LRP1B: variants seen among roughly 807,000 people sequenced by gnomAD.
LRP1B encodes low-density lipoprotein receptor-related protein 1B.
In LRP1B, 217 loss-of-function variants were observed where a neutral mutation model predicts 556.6. That is an observed-to-expected ratio of 0.39 (90% CI 0.35 to 0.44). LRP1B has a LOEUF of 0.44. Ranked by LOEUF, LRP1B falls within the 20% of genes least tolerant of loss-of-function variation. The pLI, the probability that LRP1B is intolerant of heterozygous loss-of-function variation, is 1.00. For missense variants in LRP1B, 5,053 were observed against 5,620.8 expected (o/e 0.90, Z 3.23); for synonymous variants, 2,047 against 1,865.8 (o/e 1.10, Z -2.50).
At chr2:140,990,060 A>G (rs1185772599) in intron 16 of LRP1B, among the ~76,000 whole-genome samples, 1 of 151,902 alleles carries the variant, frequency 6.6e-6, no homozygotes, top group Non-Finnish European at 1.5e-5. Flanking sequence ...ACAAAAAATT[A>G]GCCAGGCATG....
intron 2 of LRP1B, among the ~76,000 whole-genome samples, chr2:141,503,471 T>C (rs1244134263): frequency 6.6e-6 from 1 of 151,988 alleles, no homozygotes; most frequent in African/African-American, 2.4e-5. Flanking sequence ...AATTAAAATC[T>C]GTTACATTAT....
At chr2:141,304,731 C>T (rs1407069737) in intron 3 of LRP1B, among the ~76,000 whole-genome samples, 1 of 151,816 alleles carries the variant, frequency 6.6e-6, no homozygotes, top group African/African-American at 2.4e-5. Context: ...GAACTCCTGA[C>T]CTCAAGTGAT....
At chr2:140,322,206 A>G in intron 81 of LRP1B, 118 bp from the exon 82 acceptor site, 1 of 964,096 alleles carries the variant, frequency 1.0e-6, no homozygotes, top group East Asian at 2.6e-5. Flanking sequence ...ATCACATTAA[A>G]TTTCCACTGA....
At chr2:140,971,315 G>T (rs181900559) in intron 18 of LRP1B, among the ~76,000 whole-genome samples, 1 of 152,072 alleles carries the variant, frequency 6.6e-6, no homozygotes. Flanking sequence ...AAGAAACGCC[G>T]ATAGCCACCA....
chr2:141,346,404 A>G (rs970186194), intron 3 of LRP1B, among the ~76,000 whole-genome samples: 1 of 152,078 alleles, frequency 6.6e-6, no homozygotes, highest in South Asian at 2.1e-4. Flanking sequence ...GTCACTTTAG[A>G]TCCTCTCCTG....
At chr2:140,722,770 G>A (rs936303745) in intron 35 of LRP1B, among the ~76,000 whole-genome samples, 4 of 152,168 alleles carry the variant, frequency 2.6e-5, no homozygotes, top group Non-Finnish European at 5.9e-5. Context: ...GGGACCGGGC[G>A]CAGTGGCTCA....
At chr2:141,867,100 A>G (rs1014312585) in intron 1 of LRP1B, among the ~76,000 whole-genome samples, 8 of 152,202 alleles carry the variant, frequency 5.3e-5, no homozygotes, top group Non-Finnish European at 1.0e-4. Flanking sequence ...GAAATGAAAG[A>G]TTCTTAAAGG....
At chr2:142,073,564 A>C (rs1430157530) in intron 1 of LRP1B, among the ~76,000 whole-genome samples, 1 of 151,988 alleles carries the variant, frequency 6.6e-6, no homozygotes, top group Non-Finnish European at 1.5e-5. Flanking sequence ...TTACCCTTCC[A>C]TACTCATATT....
chr2:141,948,361 G>A (rs913463764), intron 1 of LRP1B, among the ~76,000 whole-genome samples: 2 of 151,798 alleles, frequency 1.3e-5, no homozygotes, highest in Non-Finnish European at 2.9e-5. Context: ...TATAGACAAT[G>A]AGTATAAATG....
At position 142,083,605 on chromosome 2, in the gene LRP1B, A is replaced by G. The variant is rs527856168; in HGVS notation, c.82+47043T>C. ...TCTTGAGGAATTCAGATGGAGCTAT[A>G]GTATATATTTAGTTCTTCTAAACTG... On this transcript the variant is annotated intron_variant, in intron 1 of 90. Coordinates refer to ENST00000389484, the MANE Select transcript of LRP1B (RefSeq NM_018557.3). Among the ~76,000 whole-genome samples the G allele has an allele frequency of 5.3e-5, 8 of 152,362 alleles. No individual in the cohort carries two copies. The East Asian group carries it at 1.5e-3, about 29-fold the overall frequency.
chr2:140,323,966 T>C lies in LRP1B; in HGVS notation c.12441A>G (p.Ser4147=), dbSNP rs766446368. The C allele has an allele frequency of 1.2e-6, 2 of 1,604,748 alleles. No individual in the cohort carries two copies. Among genetic ancestry groups the C allele is most frequent in the South Asian group, 2.2e-5 (2 of 90,876 alleles). Residue 4147 remains serine (S), a synonymous_variant, in exon 81 of 91, where the codon TCA becomes TCG. Coordinates refer to ENST00000389484, the MANE Select transcript of LRP1B (RefSeq NM_018557.3). ...CAATATTTAAAGCTAAGTACTCTACTGAACCATGGCCAAATTTTTGAACTC... is the reference window on the plus strand; with the variant it reads ...CAATATTTAAAGCTAAGTACTCTACCGAACCATGGCCAAATTTTTGAACTC... ...VFRVQKFGHG[S]VEYLALNIDK...
chr2:140,414,059 G>A (rs574316714), intron 66 of LRP1B, among the ~76,000 whole-genome samples: 1 of 152,226 alleles, frequency 6.6e-6, no homozygotes, highest in East Asian at 1.9e-4. Flanking sequence ...GCAGGTGCAT[G>A]GCACATGGCA....
At chr2:140,241,260 TA>T (rs1211647290) in intron 87 of LRP1B, among the ~76,000 whole-genome samples, 1 of 150,856 alleles carries the variant, frequency 6.6e-6, no homozygotes, top group African/African-American at 2.4e-5. Flanking sequence ...GGATGGTAAT[TA>T]ACACTTGTTC....
intron 3 of LRP1B, among the ~76,000 whole-genome samples, chr2:141,398,167 T>A (rs1690312597): frequency 1.3e-5 from 2 of 152,116 alleles, no homozygotes; most frequent in African/African-American, 2.4e-5. Context: ...AAAAGTATAA[T>A]CTTAAGAGTG....
At chr2:140,541,156 A>G in intron 44 of LRP1B, 58 bp from the exon 45 acceptor site, 3 of 1,380,290 alleles carry the variant, frequency 2.2e-6, no homozygotes, top group Non-Finnish European at 3.0e-6. Flanking sequence ...TCTATGTTAG[A>G]TAAATATTAA....
At chr2:141,660,483 C>G (rs543370699) in intron 2 of LRP1B, among the ~76,000 whole-genome samples, 88 of 152,176 alleles carry the variant, frequency 5.8e-4, no homozygotes, top group Admixed American at 1.4e-3. Context: ...CAGTTCCCCC[C>G]CGCTGGTGCC....
At chr2:140,820,912 T>TA (rs5834782) in intron 31 of LRP1B, among the ~76,000 whole-genome samples, 65,906 of 143,276 alleles carry the variant, frequency 0.46, 16,325 homozygotes, top group Non-Finnish European at 0.56. Flanking sequence ...GTTGCTTCTT[T>TA]AAAAAAAAAA....
At chr2:141,576,474 C>T (rs911336498) in intron 2 of LRP1B, among the ~76,000 whole-genome samples, 3 of 151,994 alleles carry the variant, frequency 2.0e-5, no homozygotes, top group Non-Finnish European at 4.4e-5. Flanking sequence ...GGGGAGGGAA[C>T]TTAGAGGACG....
At chr2:141,641,303 C>G (rs1273542707) in intron 2 of LRP1B, among the ~76,000 whole-genome samples, 1 of 152,036 alleles carries the variant, frequency 6.6e-6, no homozygotes, top group Non-Finnish European at 1.5e-5. Context: ...CATATGCATT[C>G]AAACATCAGG....
Sources: allele counts gnomAD v4.1 joint callset (sites outside exome capture counted in the v4.1 genomes callset), GRCh38; gene constraint gnomAD v4.1.1; transcripts MANE v1.5; gene names NCBI Gene and HGNC (gene_info 2026-07-23, HGNC 2026-07-21).